PPP1R9A: variants seen among roughly 807,000 people sequenced by gnomAD.
PPP1R9A encodes the protein neurabin-1.
A neutral mutation model predicts 141.9 loss-of-function variants in PPP1R9A; 59 were observed. The observed-to-expected ratio is 0.42, with a 90% CI of 0.34 to 0.52. The LOEUF is 0.52. Among genes scored for constraint, PPP1R9A ranks in the 20% least tolerant of loss-of-function variants. PPP1R9A has a pLI of 0.10. For synonymous variants in PPP1R9A, 500 were observed against 569.7 expected (o/e 0.88, Z 1.74); for missense variants, 1,444 against 1,611.9 (o/e 0.90, Z 1.78).
chr7:95,121,762 G>C (rs1822654869), intron 4 of PPP1R9A, among the ~76,000 whole-genome samples: 1 of 152,116 alleles, frequency 6.6e-6, no homozygotes, highest in Non-Finnish European at 1.5e-5. Flanking sequence ...CCAAGTGAGA[G>C]AGAGCAAGAA....
chr7:95,066,020 C>T (rs912106439), intron 2 of PPP1R9A, among the ~76,000 whole-genome samples: 1 of 152,062 alleles, frequency 6.6e-6, no homozygotes, highest in Non-Finnish European at 1.5e-5. Flanking sequence ...TGTTATGGTC[C>T]AAATTGTGTC....
At chr7:95,025,942 C>T (rs188288468) in intron 2 of PPP1R9A, among the ~76,000 whole-genome samples, 6 of 152,270 alleles carry the variant, frequency 3.9e-5, no homozygotes, top group Admixed American at 6.5e-5. Context: ...TTATGTTCTT[C>T]TCTAAACTGG....
intron 2 of PPP1R9A, among the ~76,000 whole-genome samples, chr7:95,046,685 C>T (rs776204743): frequency 3.9e-5 from 6 of 152,156 alleles, no homozygotes; most frequent in Non-Finnish European, 7.4e-5. Context: ...GCTATGGGGA[C>T]ATCAGCTGCT....
At position 95,288,565 on chromosome 7, in the gene PPP1R9A, C is replaced by T. The variant is rs1165178711; in HGVS notation, c.3759C>T (p.His1253=). The T allele has an allele frequency of 2.5e-6, 4 of 1,614,044 alleles. No individual in the cohort carries two copies. The highest frequency in any genetic ancestry group is 2.5e-6 in the Non-Finnish European group (3 of 1,179,982). The change falls in exon 19 of 20, where the codon CAC becomes CAT. Residue 1253 remains histidine, a synonymous_variant. Transcript: ENST00000433360. ...TTGATGATGGACAGTCTCCCAAACA[C>T]AGTCAGTGTCAGAATCGGGCCGTTC... is the stretch of plus-strand genomic sequence containing the variant. ...EILDDGQSPK[H]SQCQNRAVQE...
intron 2 of PPP1R9A, among the ~76,000 whole-genome samples, chr7:95,096,756 C>A (rs1220413339): frequency 6.6e-6 from 1 of 152,138 alleles, no homozygotes; most frequent in Non-Finnish European, 1.5e-5. Flanking sequence ...TACTTCCTGT[C>A]CTGTTATTGG....
chr7:94,934,600 T>A (rs1373010782), intron 2 of PPP1R9A, among the ~76,000 whole-genome samples: 1 of 152,094 alleles, frequency 6.6e-6, no homozygotes, highest in Non-Finnish European at 1.5e-5. Flanking sequence ...ACAGTACCTT[T>A]GTGTTCTGTT....
chr7:95,006,193 CTTATTTAT>C (rs71125097), intron 2 of PPP1R9A, among the ~76,000 whole-genome samples: 1,506 of 146,310 alleles, frequency 0.01, 17 homozygotes, highest in African/African-American at 0.026. Context: ...ATCTTAAGAA[CTTATTTAT>C]TTATTTATTT....
intron 5 of PPP1R9A, among the ~76,000 whole-genome samples, chr7:95,186,037 A>AT (rs35549926): frequency 3.9e-4 from 59 of 150,594 alleles, no homozygotes; most frequent in Non-Finnish European, 6.4e-4. Context: ...AATTTTTAGG[A>AT]TTTTTTTTTT....
intron 2 of PPP1R9A, among the ~76,000 whole-genome samples, chr7:95,040,710 A>G (rs907834897): frequency 1.3e-5 from 2 of 152,164 alleles, no homozygotes; most frequent in Non-Finnish European, 2.9e-5. Flanking sequence ...TGCCACATCT[A>G]GATTTCACTA....
intron 6 of PPP1R9A, chr7:95,202,507 G>A (rs1414902268): frequency 4.9e-5 from 25 of 509,382 alleles, no homozygotes; most frequent in Admixed American, 6.5e-5. Context: ...CTGTTTAATC[G>A]AAGTATTGAT....
At chr7:95,103,362 CTT>C (rs897838647) in intron 2 of PPP1R9A, among the ~76,000 whole-genome samples, 1,533 of 88,778 alleles carry the variant, frequency 0.017, 56 homozygotes, top group African/African-American at 0.068. Flanking sequence ...TTTTTCACTT[CTT>C]TTTTTTTTTT....
chr7:95,081,440 G>A lies in PPP1R9A; in HGVS notation c.1396-29819G>A, dbSNP rs192105757. On this transcript the variant is annotated intron_variant, in intron 2 of 19. Transcript: ENST00000433360. ...AAGAGATATGGAAACTATGAAAAAG[G>A]TCCAAATCAAACTTCTAGAGATAAG... Among the ~76,000 whole-genome samples, 980 of 152,238 alleles carry A rather than the reference G, an allele frequency of 6.4e-3. 10 individuals carry two copies. Among genetic ancestry groups the A allele is most frequent in the African/African-American group, 0.022 (933 of 41,546 alleles).
At chr7:94,957,225 T>A (rs751047624) in intron 2 of PPP1R9A, among the ~76,000 whole-genome samples, 1 of 152,254 alleles carries the variant, frequency 6.6e-6, no homozygotes, top group South Asian at 2.1e-4. Flanking sequence ...CAGTCACTCA[T>A]GTGCTGTACA....
At chr7:95,133,513 T>TTATATATATATATATA (rs10570222) in intron 4 of PPP1R9A, among the ~76,000 whole-genome samples, 204 of 132,660 alleles carry the variant, frequency 1.5e-3, no homozygotes, top group Admixed American at 2.1e-3. Context: ...TGCAGTCGTA[T>TTATATATATATATATA]TATATATATA....
At chr7:95,063,784 ATG>A (rs1812587478) in intron 2 of PPP1R9A, among the ~76,000 whole-genome samples, 1 of 152,114 alleles carries the variant, frequency 6.6e-6, no homozygotes, top group Non-Finnish European at 1.5e-5. Flanking sequence ...ATTTGTGGGG[ATG>A]TGTTTTCTAA....
chr7:94,917,624 T>C (rs1792255093), intron 2 of PPP1R9A, among the ~76,000 whole-genome samples: 2 of 151,532 alleles, frequency 1.3e-5, no homozygotes, highest in South Asian at 4.2e-4. Flanking sequence ...TCTAGGCTTG[T>C]CTTGAACTCC....
At chr7:95,149,756 G>T (rs939249364) in intron 4 of PPP1R9A, among the ~76,000 whole-genome samples, 2 of 90,554 alleles carry the variant, frequency 2.2e-5, no homozygotes, top group African/African-American at 5.9e-5. Context: ...CTACATTCAT[G>T]GATAAGAAGA....
intron 16 of PPP1R9A, among the ~76,000 whole-genome samples, chr7:95,282,262 G>A (rs1804404582): frequency 6.6e-6 from 1 of 150,694 alleles, no homozygotes; most frequent in African/African-American, 2.5e-5. Context: ...AGCCCAGGAG[G>A]TCCAGGCTGC....
intron 2 of PPP1R9A, among the ~76,000 whole-genome samples, chr7:94,944,463 T>TA (rs780345321): frequency 2.7e-3 from 168 of 61,208 alleles, no homozygotes; most frequent in Non-Finnish European, 3.9e-3. Context: ...ACCCCCCGAT[T>TA]AAAAAAAAAG....
Sources: gnomAD v4.1 joint callset for allele counts (sites outside exome capture counted in the v4.1 genomes callset) on GRCh38, gnomAD v4.1.1 for gene constraint, MANE v1.5 for transcripts, NCBI Gene and HGNC (gene_info 2026-07-23, HGNC 2026-07-21) for gene names.